PLXNA2: variants seen among roughly 807,000 people sequenced by gnomAD.
PLXNA2 encodes the protein plexin-A2.
A neutral mutation model predicts 193.5 loss-of-function variants in PLXNA2; 91 were observed. The observed-to-expected ratio is 0.47, with a 90% CI of 0.40 to 0.56. The LOEUF (loss-of-function observed/expected upper bound fraction) is 0.56, where lower values mean the gene tolerates loss of function less well. Ranked by LOEUF, PLXNA2 falls within the 20% of genes least tolerant of loss-of-function variation. The probability of loss-of-function intolerance (pLI) is 0.00; values close to 1 mark genes in which losing one functional copy is unlikely to be tolerated. For missense variants in PLXNA2, 1,995 were observed against 2,503.2 expected (o/e 0.80, Z 4.33); for synonymous variants, 997 against 1,027.3 (o/e 0.97, Z 0.56).
At chr1:208,099,596 A>G (rs1358172907) in intron 5 of PLXNA2, among the ~76,000 whole-genome samples, 1 of 152,044 alleles carries the variant, frequency 6.6e-6, no homozygotes, top group Non-Finnish European at 1.5e-5. Flanking sequence ...TTTGAGACAG[A>G]GTCTTGCTCT....
At chr1:208,162,397 T>C (rs1669159462) in intron 3 of PLXNA2, among the ~76,000 whole-genome samples, 1 of 152,218 alleles carries the variant, frequency 6.6e-6, no homozygotes, top group South Asian at 2.1e-4. Context: ...CAGAGCTGTT[T>C]CTAGCTGTGT....
chr1:208,145,526 C>T (rs55881971), intron 3 of PLXNA2, among the ~76,000 whole-genome samples: 7,867 of 152,280 alleles, frequency 0.052, 278 homozygotes, highest in Non-Finnish European at 0.076. Context: ...TCTCCCAGAG[C>T]CTGGGCACTT....
At chr1:208,062,319 G>A (rs753743974) in intron 12 of PLXNA2, among the ~76,000 whole-genome samples, 16 of 152,146 alleles carry the variant, frequency 1.1e-4, no homozygotes, top group Admixed American at 3.3e-4. Context: ...CTGGCTTCTC[G>A]GCAGGTGCAC....
At chr1:208,137,986 G>C (rs1201030073) in intron 4 of PLXNA2, among the ~76,000 whole-genome samples, 10 of 152,172 alleles carry the variant, frequency 6.6e-5, no homozygotes, top group Admixed American at 6.5e-4. Flanking sequence ...GGTTGGGGCA[G>C]GGTGGAAGAC....
At position 208,042,097 on chromosome 1, in the gene PLXNA2, C is replaced by T; in HGVS notation, c.4286+1G>A. ...TCTCCACCCACTGCTGCGGGCCAGA[C>T]CTCCGGAGTAGCAGCTTGGGGTGGT... On this transcript the variant is annotated splice_donor_variant, in intron 22 of 31. Transcript: ENST00000367033. LOFTEE classifies it high-confidence loss of function. The T allele has an allele frequency of 6.2e-7, 1 of 1,613,510 alleles. No homozygotes were observed.
chr1:208,201,004 A>T (rs1670535221), intron 3 of PLXNA2, among the ~76,000 whole-genome samples: 1 of 152,260 alleles, frequency 6.6e-6, no homozygotes, highest in South Asian at 2.1e-4. Flanking sequence ...GTAATAGTAC[A>T]GGAGTGGTAG....
intron 3 of PLXNA2, among the ~76,000 whole-genome samples, chr1:208,194,507 TATA>T (rs374343938): frequency 2.6e-4 from 39 of 148,218 alleles, no homozygotes; most frequent in African/African-American, 8.9e-4. Flanking sequence ...ATACATGCAG[TATA>T]ATATCTACCA....
At chr1:208,178,550 C>G (rs535407990) in intron 3 of PLXNA2, among the ~76,000 whole-genome samples, 2 of 152,284 alleles carry the variant, frequency 1.3e-5, no homozygotes, top group East Asian at 3.9e-4. Flanking sequence ...CCTGCCTCTG[C>G]CTTCTCTCCA....
At chr1:208,115,054 G>A (rs1345133942) in intron 4 of PLXNA2, among the ~76,000 whole-genome samples, 1 of 152,190 alleles carries the variant, frequency 6.6e-6, no homozygotes, top group African/African-American at 2.4e-5. Flanking sequence ...AGGCAGGAAA[G>A]CTCCTAGGCT....
rs1189827134 is a variant in PLXNA2 at position 208,031,555 on chromosome 1, G to C, written c.5225+35C>G. 1.4e-5 allele frequency: 22 copies of C among 1,612,944 alleles called. No individual in the cohort carries two copies. In the Admixed American group the frequency reaches 3.7e-4, roughly 27 times the overall value. On this transcript the variant is annotated intron_variant, in intron 29 of 31. Coordinates refer to ENST00000367033, the MANE Select transcript of PLXNA2 (RefSeq NM_025179.4). ...TCCCTCTTAGCTCCAGGCCTCTCCAGGCTGCACCTCCTGCTGAGCTCCCCG... is the reference window on the plus strand; with the variant it reads ...TCCCTCTTAGCTCCAGGCCTCTCCACGCTGCACCTCCTGCTGAGCTCCCCG...
Position 208,038,470 on chromosome 1 carries a change from C to G in PLXNA2, c.4665G>C (p.Trp1555Cys). The stretch of plus-strand genomic sequence containing the variant: ...CGACCCGGGCGATCCGGCCTTGGCG[C>G]CACTCTGGGTGGAGGGGGTGGTGCA... ...RPRAVDMDLEWRQGRIARVVL... is the reference protein window; with the variant it reads ...RPRAVDMDLECRQGRIARVVL... The change falls in exon 26 of 32, where the codon TGG (tryptophan) becomes TGC (cysteine). Residue 1555 changes from tryptophan (W) to cysteine (C), a missense_variant. Coordinates refer to ENST00000367033, the MANE Select transcript of PLXNA2 (RefSeq NM_025179.4). This position sits in a 1 kb window ranked among gnomAD's most constrained non-coding sequence, Gnocchi z 4.1. The G allele has an allele frequency of 6.2e-7, 1 of 1,613,652 alleles. No homozygotes were observed. Among genetic ancestry groups the G allele is most frequent in the Non-Finnish European group, 8.5e-7 (1 of 1,179,580 alleles).
intron 4 of PLXNA2, among the ~76,000 whole-genome samples, chr1:208,129,085 T>C (rs564231363): frequency 6.6e-6 from 1 of 152,154 alleles, no homozygotes; most frequent in Non-Finnish European, 1.5e-5. Context: ...TCTCTGCCTG[T>C]AATAAATGCT....
At chr1:208,050,570 T>C (rs1417521321) in intron 17 of PLXNA2, among the ~76,000 whole-genome samples, 1 of 152,210 alleles carries the variant, frequency 6.6e-6, no homozygotes, top group African/African-American at 2.4e-5. Context: ...TGGTGGCCCA[T>C]GCCTATAATC....
intron 2 of PLXNA2, 136 bp from the exon 3 acceptor site, chr1:208,210,598 T>A: frequency 1.5e-6 from 1 of 681,852 alleles, no homozygotes. Flanking sequence ...GGGGCCCTAA[T>A]ACAAGCTGCA....
intron 4 of PLXNA2, among the ~76,000 whole-genome samples, chr1:208,140,274 A>T (rs2102480971): frequency 6.6e-6 from 1 of 152,348 alleles, no homozygotes; most frequent in East Asian, 1.9e-4. Context: ...ATCTGCCTCC[A>T]GCCCTGACCC....
At chr1:208,215,964 CA>C (rs930315488) in intron 2 of PLXNA2, among the ~76,000 whole-genome samples, 2 of 152,164 alleles carry the variant, frequency 1.3e-5, no homozygotes, top group African/African-American at 2.4e-5. Flanking sequence ...AGTTTTCCAT[CA>C]GTTGGTCAAG....
intron 3 of PLXNA2, among the ~76,000 whole-genome samples, chr1:208,163,039 C>T (rs978605475): frequency 6.6e-6 from 1 of 152,136 alleles, no homozygotes; most frequent in African/African-American, 2.4e-5. Flanking sequence ...CTTCATCAGG[C>T]AGAGAGAGGG....
At chr1:208,224,103 G>T (rs1296488578) in intron 1 of PLXNA2, among the ~76,000 whole-genome samples, 2 of 152,208 alleles carry the variant, frequency 1.3e-5, no homozygotes, top group Admixed American at 1.3e-4. Context: ...ACCGACCTTA[G>T]AGGTAGTCCA....
Position 208,089,999 on chromosome 1 carries a change from AG to A in PLXNA2, c.2097+2786del, listed in dbSNP as rs1322496597. On this transcript the variant is annotated intron_variant, in intron 9 of 31. Transcript: ENST00000367033. ...TAAAGCAGAACTTTGGACAGAAAAG[AG>A]GGGGGCCTGGCTGCTGTTTGCTGAA... 2.0e-5 allele frequency among the ~76,000 whole-genome samples: 3 copies of A among 152,162 alleles called. No homozygotes were observed. The South Asian group carries it at 6.2e-4, about 31-fold the overall frequency.
Sources: gnomAD v4.1 joint callset for allele counts (sites outside exome capture counted in the v4.1 genomes callset) on GRCh38, gnomAD v4.1.1 for gene constraint, Gnocchi (gnomAD v3.1) non-coding constraint, MANE v1.5 for transcripts, NCBI Gene and HGNC (gene_info 2026-07-23, HGNC 2026-07-21) for gene names.